The following LAMTOR3 variants were observed in gnomAD, a reference collection of about 807,000 sequenced individuals.
The protein encoded by LAMTOR3 is ragulator complex protein LAMTOR3.
Under a neutral mutation model 20.3 loss-of-function variants are expected in LAMTOR3, and 14 were observed. That is an observed-to-expected ratio of 0.69 (90% CI 0.46 to 1.08). LAMTOR3 has a LOEUF of 1.08. Ranked by LOEUF, LAMTOR3 falls within the 50% of genes least tolerant of loss-of-function variation. The probability of loss-of-function intolerance (pLI) is 0.00; values close to 1 mark genes in which losing one functional copy is unlikely to be tolerated. For synonymous variants in LAMTOR3, 40 were observed against 49.4 expected, an observed-to-expected ratio of 0.81 and a Z score of 0.80; for missense variants, 125 against 143.7, an observed-to-expected ratio of 0.87 and a Z score of 0.67.
Position 99,887,335 on chromosome 4 carries a change from T to A in LAMTOR3, c.64A>T (p.Ile22Phe). The A allele has an allele frequency of 6.4e-7, 1 of 1,550,682 alleles. No individual in the cohort carries two copies. Among genetic ancestry groups the A allele is most frequent in the Non-Finnish European group, 8.8e-7 (1 of 1,142,246 alleles). The stretch of plus-strand genomic sequence containing the variant: ...ACTCCATCTCTATCTGACACAACAA[T>A]GGCATGGAGCCCTTCAACACTAGAA... ...KLPSVEGLHA[I>F]VVSDRDGVPV... Residue 22 changes from isoleucine to phenylalanine, a missense_variant, in exon 4 of 7, where the codon ATT becomes TTT. Ile to Phe is a conservative substitution (Grantham distance 21, BLOSUM62 0). This residue lies in a region of LAMTOR3 where 99 missense variants were observed against 96.0 expected (regional missense o/e 1.03). Coordinates refer to ENST00000499666, the MANE Select transcript of LAMTOR3 (RefSeq NM_021970.4).
rs1247723815 is a variant in LAMTOR3, at chr4:99,881,683, T to C, written c.*311A>G. Reference sequence around the variant, plus strand: ...GGCTCAAGTGGATCAATGTACCAGTTTGATTCTGATCCACTGAATAGAATC... The same window carrying C: ...GGCTCAAGTGGATCAATGTACCAGTCTGATTCTGATCCACTGAATAGAATC... On this transcript the variant is annotated 3_prime_UTR_variant, in exon 7 of 7. Coordinates refer to ENST00000499666, the MANE Select transcript of LAMTOR3 (RefSeq NM_021970.4). The C allele has an allele frequency of 1.1e-5, 3 of 268,356 alleles. No homozygotes were observed. The highest frequency in any genetic ancestry group is 5.0e-5 in the Admixed American group (1 of 20,000). 16.6% of individuals were successfully genotyped at this position (268,356 alleles called of 1,614,324 possible). A position where few individuals can be genotyped will look rare whatever the true frequency, so the allele number is the denominator to read the frequency against.
Position 99,892,003 on chromosome 4 carries a change from G to C in LAMTOR3, c.41C>G (p.Pro14Arg), listed in dbSNP as rs1303926369. ...TAACAAATTAAAAATTTCTTACCTT[G>C]GTAACTTTTTATACAAGAATCGCTT... ...DLKRFLYKKL[P>R]SVEGLHAIVV... The change falls in exon 3 of 7, where the codon CCA (proline) becomes CGA (arginine). Residue 14 changes from proline to arginine, a missense_variant. Physicochemically the swap from Pro to Arg is moderately radical, Grantham distance 103. Coordinates refer to ENST00000499666, the MANE Select transcript of LAMTOR3 (RefSeq NM_021970.4). The C allele has an allele frequency of 1.9e-6, 3 of 1,566,156 alleles. No individual in the cohort carries two copies. The highest frequency in any genetic ancestry group is 8.6e-7 in the Non-Finnish European group (1 of 1,163,202).
At chr4:99,886,967 GTA>G (rs1560720381) in intron 4 of LAMTOR3, among the ~76,000 whole-genome samples, 2 of 148,610 alleles carry the variant, frequency 1.3e-5, no homozygotes, top group African/African-American at 2.5e-5. Context: ...GTGTCTGTGT[GTA>G]TATCTAGCTG....
intron 3 of LAMTOR3, among the ~76,000 whole-genome samples, chr4:99,890,241 T>C (rs943704264): frequency 2.6e-5 from 4 of 152,248 alleles, no homozygotes; most frequent in Non-Finnish European, 5.9e-5. Flanking sequence ...TATGAAATAT[T>C]TGGTTGTTTT....
intron 6 of LAMTOR3, among the ~76,000 whole-genome samples, chr4:99,883,109 A>G (rs1270305187): frequency 6.6e-6 from 1 of 152,088 alleles, no homozygotes; most frequent in Admixed American, 6.5e-5. Flanking sequence ...CAGATTTAGT[A>G]TATTTCCTAA....
At chr4:99,883,980 T>C (rs1485249964) in intron 6 of LAMTOR3, 82 bp downstream of exon 6, 1 of 1,009,988 alleles carries the variant, frequency 9.9e-7, no homozygotes, top group Non-Finnish European at 1.5e-6. Context: ...AAATCTACTA[T>C]TCCTCTTAAA....
In LAMTOR3 at chr4:99,879,077, C is replaced by A. The variant is rs1724769371; in HGVS notation, c.*2917G>T. On this transcript the variant is annotated 3_prime_UTR_variant, in exon 7 of 7. Transcript: ENST00000499666. ...CAATTGCTGTACATAAAGAGTATAA[C>A]AAGTCACACTTCCCTAGCAGGCATA... The A allele has an allele frequency of 6.6e-6, 1 of 152,162 alleles. No individual in the cohort carries two copies. The allele number at this position is 152,162 out of a possible 1,614,324, so 9.4% of individuals were successfully genotyped here.
At chr4:99,884,957 C>T (rs1724894534) in intron 5 of LAMTOR3, among the ~76,000 whole-genome samples, 1 of 150,884 alleles carries the variant, frequency 6.6e-6, no homozygotes, top group Admixed American at 6.6e-5. Context: ...CAGAGCCAGA[C>T]TCTGTCTTGG....
intron 5 of LAMTOR3, among the ~76,000 whole-genome samples, chr4:99,884,870 C>T (rs777489336): frequency 7.9e-5 from 12 of 151,748 alleles, no homozygotes; most frequent in South Asian, 2.1e-4. Flanking sequence ...GAGGCTGAGG[C>T]GTGAGAATCA....
intron 5 of LAMTOR3, among the ~76,000 whole-genome samples, 187 bp from the exon 6 acceptor site, chr4:99,884,312 A>C (rs559473732): frequency 1.3e-5 from 2 of 152,334 alleles, no homozygotes; most frequent in African/African-American, 4.8e-5. Context: ...AGAATTAGTG[A>C]TGATCTCTTA....
Position 99,881,873 on chromosome 4 carries a change from G to T in LAMTOR3, c.*121C>A. 1 of 689,984 alleles carries T rather than the reference G, an allele frequency of 1.4e-6. No homozygotes were observed. 42.7% of individuals were successfully genotyped at this position (689,984 alleles called of 1,614,324 possible). A position where few individuals can be genotyped will look rare whatever the true frequency, so the allele number is the denominator to read the frequency against. On this transcript the variant is annotated 3_prime_UTR_variant, in exon 7 of 7. Transcript: ENST00000499666. Reference sequence around the variant, plus strand: ...TCTATATGCTAGCTCTTTAGTATAAGTTGGAAAAAGGGGCCCTTTCTTGAG... The same window carrying T: ...TCTATATGCTAGCTCTTTAGTATAATTTGGAAAAAGGGGCCCTTTCTTGAG...
intron 5 of LAMTOR3, among the ~76,000 whole-genome samples, chr4:99,885,055 G>A (rs559535257): frequency 6.6e-6 from 1 of 151,882 alleles, no homozygotes; most frequent in South Asian, 2.1e-4. Context: ...TTAAGAAAAT[G>A]TAGCTTGAGA....
At chr4:99,888,048 T>G (rs569503716) in intron 3 of LAMTOR3, among the ~76,000 whole-genome samples, 1 of 152,302 alleles carries the variant, frequency 6.6e-6, no homozygotes, top group African/African-American at 2.4e-5. Flanking sequence ...GCAAAAGGAA[T>G]GCAGGCTATG....
intron 5 of LAMTOR3, among the ~76,000 whole-genome samples, chr4:99,885,070 G>A (rs1182177209): frequency 1.3e-5 from 2 of 151,942 alleles, no homozygotes; most frequent in Non-Finnish European, 2.9e-5. Flanking sequence ...TTGAGATCAA[G>A]AGACATGCAA....
At position 99,884,116 on chromosome 4, in the gene LAMTOR3, A is replaced by G. The variant is rs199789066; in HGVS notation, c.247T>C (p.Phe83Leu). 187 of 1,611,924 alleles carry G rather than the reference A, an allele frequency of 1.2e-4. No individual in the cohort carries two copies. Among genetic ancestry groups the G allele is most frequent in the Admixed American group, 4.7e-4 (28 of 59,990 alleles). ...CTCACCACCAAAGGTAAACGATTAA[A>G]TTGAACCACCTAAAAAGAAAATAAG... Reference protein sequence around the residue: ...CYYNTYQVVQFNRLPLVVSFI... With the variant: ...CYYNTYQVVQLNRLPLVVSFI... Residue 83 changes from phenylalanine to leucine, a missense_variant, in exon 6 of 7, where the codon TTT (phenylalanine) becomes CTT (leucine). Around this residue, in one of 3 missense-constraint regions of LAMTOR3, gnomAD observed 99 missense variants for 96.0 expected, o/e 1.03. Coordinates refer to ENST00000499666, the MANE Select transcript of LAMTOR3 (RefSeq NM_021970.4).
At chr4:99,891,511 T>G (rs982337447) in intron 3 of LAMTOR3, among the ~76,000 whole-genome samples, 1 of 152,206 alleles carries the variant, frequency 6.6e-6, no homozygotes. Context: ...TTTCAAAGTA[T>G]GTTGATGGTT....
At chr4:99,889,507 G>T (rs1578203986) in intron 3 of LAMTOR3, among the ~76,000 whole-genome samples, 2 of 152,180 alleles carry the variant, frequency 1.3e-5, no homozygotes, top group Admixed American at 1.3e-4. Flanking sequence ...AAAATACACA[G>T]TTTAGAACAG....
chr4:99,885,303 T>G (rs547681284), intron 5 of LAMTOR3, among the ~76,000 whole-genome samples: 1 of 152,310 alleles, frequency 6.6e-6, no homozygotes, highest in African/African-American at 2.4e-5. Context: ...ACATACTCTT[T>G]TTAGGATAAC....
rs998523633 is a variant in LAMTOR3, at chr4:99,879,338, A to G, written c.*2656T>C. ...TTCACCACCTTATTTTTCCAGATGAACTATGGGATAGTTTATCTATTATAC... is the reference window on the plus strand; with the variant it reads ...TTCACCACCTTATTTTTCCAGATGAGCTATGGGATAGTTTATCTATTATAC... On this transcript the variant is annotated 3_prime_UTR_variant, in exon 7 of 7. Transcript: ENST00000499666. 6.6e-6 allele frequency: 1 copy of G among 152,152 alleles called. No homozygotes were observed. 9.4% of individuals were successfully genotyped at this position (152,152 alleles called of 1,614,324 possible).
Sources: gnomAD v4.1 joint callset for allele counts (sites outside exome capture counted in the v4.1 genomes callset) on GRCh38, gnomAD v4.1.1 for gene constraint, gnomAD v4.1.1 regional missense constraint, MANE v1.5 for transcripts, NCBI Gene and HGNC (gene_info 2026-07-23, HGNC 2026-07-21) for gene names.